Variants in PPM1H observed in about 807,000 individuals in gnomAD.
PPM1H encodes the protein protein phosphatase 1H.
In PPM1H, 27 loss-of-function variants were observed where a neutral mutation model predicts 54.9. The observed-to-expected ratio is 0.49, with a 90% CI of 0.36 to 0.68. The LOEUF (loss-of-function observed/expected upper bound fraction) is 0.68. Among genes scored for constraint, PPM1H ranks in the 30% least tolerant of loss-of-function variants. PPM1H has a pLI of 0.00. For missense variants in PPM1H, 596 were observed against 667.8 expected, an observed-to-expected ratio of 0.89 and a Z score of 1.19; for synonymous variants, 305 against 270.8, an observed-to-expected ratio of 1.13 and a Z score of -1.24.
chr12:62,909,045 T>C (rs923301772), intron 1 of PPM1H, among the ~76,000 whole-genome samples: 4 of 151,948 alleles, frequency 2.6e-5, no homozygotes, highest in Non-Finnish European at 5.9e-5. Flanking sequence ...TTCTTAAGTA[T>C]TAGAAAATGG....
At chr12:62,880,002 A>G (rs1870332096) in intron 1 of PPM1H, among the ~76,000 whole-genome samples, 2 of 152,162 alleles carry the variant, frequency 1.3e-5, no homozygotes, top group South Asian at 4.1e-4. Flanking sequence ...GGTCTGCCAA[A>G]TTATATTATT....
chr12:62,738,343 G>A (rs1359539587), intron 4 of PPM1H, among the ~76,000 whole-genome samples: 4 of 151,948 alleles, frequency 2.6e-5, no homozygotes, highest in Non-Finnish European at 4.4e-5. Context: ...AATTTCTAGG[G>A]TGATATCCTG....
At chr12:62,851,680 G>A (rs1869192867) in intron 1 of PPM1H, among the ~76,000 whole-genome samples, 1 of 152,054 alleles carries the variant, frequency 6.6e-6, no homozygotes, top group Non-Finnish European at 1.5e-5. Context: ...TCCAGCCTGG[G>A]CAACAAGTGT....
chr12:62,704,526 G>A (rs1362000905), intron 6 of PPM1H, among the ~76,000 whole-genome samples: 1 of 152,118 alleles, frequency 6.6e-6, no homozygotes, highest in Non-Finnish European at 1.5e-5. Flanking sequence ...TCTTTCTTTG[G>A]TCCTTGGAGT....
At chr12:62,656,658 G>GAATT (rs2075845779) in intron 9 of PPM1H, among the ~76,000 whole-genome samples, 1 of 152,096 alleles carries the variant, frequency 6.6e-6, no homozygotes, top group Non-Finnish European at 1.5e-5. Flanking sequence ...AGGAACTGGG[G>GAATT]AATTAATGGC....
At chr12:62,807,468 G>C (rs1592609569) in intron 2 of PPM1H, among the ~76,000 whole-genome samples, 1 of 152,224 alleles carries the variant, frequency 6.6e-6, no homozygotes, top group East Asian at 1.9e-4. Context: ...TAACTCATAG[G>C]AAAGAGGAAA....
chr12:62,703,777 CT>C (rs2076157349), intron 6 of PPM1H, among the ~76,000 whole-genome samples: 1 of 152,128 alleles, frequency 6.6e-6, no homozygotes, highest in Admixed American at 6.5e-5. Flanking sequence ...CTCCTGAGAC[CT>C]TCCTGCAAAA....
intron 3 of PPM1H, among the ~76,000 whole-genome samples, chr12:62,789,842 A>G (rs1204175056): frequency 6.6e-6 from 1 of 152,252 alleles, no homozygotes; most frequent in African/African-American, 2.4e-5. Flanking sequence ...GGCATCATCA[A>G]GACAGATACC....
chr12:62,796,769 G>A (rs1027754002), intron 3 of PPM1H, among the ~76,000 whole-genome samples: 8 of 152,182 alleles, frequency 5.3e-5, no homozygotes, highest in Admixed American at 2.0e-4. Flanking sequence ...ACCCGTGTGC[G>A]CGCACACACA....
intron 1 of PPM1H, among the ~76,000 whole-genome samples, chr12:62,871,479 G>A (rs1869980331): frequency 6.7e-6 from 1 of 148,648 alleles, no homozygotes; most frequent in Admixed American, 6.7e-5. Context: ...AGACAACCTT[G>A]TGAATATATT....
chr12:62,916,071 A>T (rs1871612804), intron 1 of PPM1H, among the ~76,000 whole-genome samples: 1 of 152,148 alleles, frequency 6.6e-6, no homozygotes. Flanking sequence ...TGCCTTCATC[A>T]CAGTAGCTTA....
intron 6 of PPM1H, among the ~76,000 whole-genome samples, chr12:62,703,948 C>G (rs1400208192): frequency 5.3e-5 from 8 of 149,734 alleles, no homozygotes; most frequent in Non-Finnish European, 1.0e-4. Flanking sequence ...AGCTCTTCCC[C>G]CCTCACTACA....
intron 4 of PPM1H, among the ~76,000 whole-genome samples, chr12:62,770,964 G>A (rs570092275): frequency 6.6e-6 from 1 of 151,844 alleles, no homozygotes; most frequent in South Asian, 2.1e-4. Context: ...CAGCAATGCA[G>A]CTCTAGGCTT....
chr12:62,933,011 C>T (rs1565833256), intron 1 of PPM1H, among the ~76,000 whole-genome samples: 2 of 152,178 alleles, frequency 1.3e-5, no homozygotes, highest in East Asian at 3.9e-4. Flanking sequence ...CTTTTTTCTC[C>T]TTTAGGTCTT....
intron 1 of PPM1H, among the ~76,000 whole-genome samples, chr12:62,918,570 G>A (rs1871695448): frequency 6.6e-6 from 1 of 152,060 alleles, no homozygotes; most frequent in African/African-American, 2.4e-5. Context: ...ATTAAATAAT[G>A]TCACAAGAAA....
At chr12:62,770,198 C>T (rs921589684) in intron 4 of PPM1H, among the ~76,000 whole-genome samples, 4 of 151,400 alleles carry the variant, frequency 2.6e-5, no homozygotes, top group African/African-American at 7.3e-5. Context: ...TAATAAAACA[C>T]TTATTGAGCA....
At chr12:62,660,461 C>T (rs987014462) in intron 9 of PPM1H, among the ~76,000 whole-genome samples, 1 of 152,074 alleles carries the variant, frequency 6.6e-6, no homozygotes, top group Non-Finnish European at 1.5e-5. Context: ...TATATTAACC[C>T]AAATAGCATG....
intron 4 of PPM1H, chr12:62,755,835 T>C: frequency 2.5e-6 from 2 of 798,882 alleles, no homozygotes; most frequent in Non-Finnish European, 4.4e-6. Context: ...CACGGCGCTC[T>C]CCAGAACATC....
chr12:62,679,009 A>G (rs1176195414), intron 8 of PPM1H, among the ~76,000 whole-genome samples: 1 of 151,498 alleles, frequency 6.6e-6, no homozygotes, highest in Non-Finnish European at 1.5e-5. Flanking sequence ...GTTTTTTGAG[A>G]CAGAGTCTCG....
Sources: gnomAD v4.1 joint callset for allele counts (sites outside exome capture counted in the v4.1 genomes callset) on GRCh38, gnomAD v4.1.1 for gene constraint, MANE v1.5 for transcripts, NCBI Gene and HGNC (gene_info 2026-07-23, HGNC 2026-07-21) for gene names.